Variants in RAPGEF4 observed in about 807,000 individuals in gnomAD.
RAPGEF4 encodes RAP guanine-nucleotide-exchange factor (GEF) 4.
A neutral mutation model predicts 147.9 loss-of-function variants in RAPGEF4; 66 were observed. That is an observed-to-expected ratio of 0.45 (90% CI 0.37 to 0.55). The LOEUF (loss-of-function observed/expected upper bound fraction) is 0.55. RAPGEF4 is among the 20% of genes least tolerant of loss of function. The pLI, the probability that RAPGEF4 is intolerant of heterozygous loss-of-function variation, is 0.00. For missense variants in RAPGEF4, 1,071 were observed against 1,257.3 expected (o/e 0.85, Z 2.24); for synonymous variants, 419 against 442.7 (o/e 0.95, Z 0.67).
intron 1 of RAPGEF4, among the ~76,000 whole-genome samples, chr2:172,740,496 T>C (rs1210848158): frequency 6.6e-6 from 1 of 152,212 alleles, no homozygotes; most frequent in African/African-American, 2.4e-5. Context: ...TGCCCCCAAA[T>C]AGATGTTATT....
In RAPGEF4 at chr2:172,746,658, G is replaced by T. The variant is rs181305729; in HGVS notation, c.65+10610G>T. Among the ~76,000 whole-genome samples, 537 of 151,832 alleles carry T rather than the reference G, an allele frequency of 3.5e-3. 4 individuals carry two copies. Among genetic ancestry groups the T allele is most frequent in the Non-Finnish European group, 6.2e-3 (420 of 67,920 alleles). The stretch of plus-strand genomic sequence containing the variant: ...GACAGAGTCTTACTCTGTCGCCCAG[G>T]CTGGAGTGCAGTGGCATGATCTCAG... On this transcript the variant is annotated intron_variant, in intron 1 of 30. Transcript: ENST00000397081.
chr2:172,820,987 A>G (rs1372769094), intron 4 of RAPGEF4, among the ~76,000 whole-genome samples: 1 of 152,220 alleles, frequency 6.6e-6, no homozygotes, highest in Non-Finnish European at 1.5e-5. Flanking sequence ...ACAGCAGCTT[A>G]GTCTTTGCTG....
chr2:172,944,591 A>G (rs1429379799), intron 6 of RAPGEF4, among the ~76,000 whole-genome samples: 1 of 152,142 alleles, frequency 6.6e-6, no homozygotes, highest in East Asian at 1.9e-4. Flanking sequence ...AGCAGATGGG[A>G]TTGAGATACT....
intron 6 of RAPGEF4, among the ~76,000 whole-genome samples, chr2:172,955,365 C>A (rs940073269): frequency 6.6e-6 from 1 of 152,108 alleles, no homozygotes; most frequent in African/African-American, 2.4e-5. Context: ...GTAATATGAA[C>A]ATAATACAAG....
intron 4 of RAPGEF4, among the ~76,000 whole-genome samples, chr2:172,853,360 T>C (rs1693069781): frequency 6.6e-6 from 1 of 152,066 alleles, no homozygotes. Flanking sequence ...TCAATTTTGG[T>C]AAATTGTATT....
chr2:172,813,052 A>C (rs963948469), intron 3 of RAPGEF4, among the ~76,000 whole-genome samples: 1 of 152,096 alleles, frequency 6.6e-6, no homozygotes, highest in Non-Finnish European at 1.5e-5. Context: ...TGAGATATTG[A>C]TTTTATTTTC....
chr2:173,019,939 C>T (rs528767738), intron 22 of RAPGEF4, among the ~76,000 whole-genome samples: 1 of 152,098 alleles, frequency 6.6e-6, no homozygotes, highest in Non-Finnish European at 1.5e-5. Flanking sequence ...TATTTCTTTT[C>T]TTTATTGTTG....
intron 6 of RAPGEF4, among the ~76,000 whole-genome samples, chr2:172,938,685 T>G (rs2105314600): frequency 6.6e-6 from 1 of 152,356 alleles, no homozygotes; most frequent in South Asian, 2.1e-4. Context: ...TCTAAATGAT[T>G]TTTAGAATTT....
At chr2:172,906,054 G>T (rs1699594368) in intron 4 of RAPGEF4, among the ~76,000 whole-genome samples, 1 of 152,042 alleles carries the variant, frequency 6.6e-6, no homozygotes, top group Non-Finnish European at 1.5e-5. Context: ...GAATTCTGTA[G>T]TACTCTGGGA....
chr2:172,842,466 T>C (rs1410367143), intron 4 of RAPGEF4, among the ~76,000 whole-genome samples: 1 of 152,156 alleles, frequency 6.6e-6, no homozygotes, highest in Non-Finnish European at 1.5e-5. Context: ...GCCATTTGGA[T>C]TGGGTTGGGG....
intron 1 of RAPGEF4, among the ~76,000 whole-genome samples, chr2:172,781,309 C>T (rs1319259235): frequency 1.3e-5 from 2 of 152,146 alleles, no homozygotes; most frequent in Admixed American, 6.5e-5. Context: ...CAGAAACAGA[C>T]ACTTCAGTCA....
At chr2:172,958,289 T>C (rs1688943974) in intron 6 of RAPGEF4, among the ~76,000 whole-genome samples, 1 of 152,246 alleles carries the variant, frequency 6.6e-6, no homozygotes, top group African/African-American at 2.4e-5. Flanking sequence ...CAGAGGTCTT[T>C]ACAATTTGAT....
At chr2:173,028,384 G>A (rs1466570339) in intron 25 of RAPGEF4, among the ~76,000 whole-genome samples, 22 of 152,124 alleles carry the variant, frequency 1.4e-4, no homozygotes, top group Admixed American at 1.3e-3. Flanking sequence ...GTGCTTTCCC[G>A]TTAGAAGAAG....
intron 4 of RAPGEF4, among the ~76,000 whole-genome samples, chr2:172,910,344 C>T (rs924099442): frequency 6.6e-6 from 1 of 152,230 alleles, no homozygotes; most frequent in African/African-American, 2.4e-5. Flanking sequence ...AACTCTACAG[C>T]TTCCCTGTTG....
chr2:172,753,985 C>T (rs1013879678), intron 1 of RAPGEF4, among the ~76,000 whole-genome samples: 5 of 152,108 alleles, frequency 3.3e-5, no homozygotes, highest in Non-Finnish European at 7.4e-5. Flanking sequence ...CTTTATCCTT[C>T]CCAGGAGGAA....
At chr2:172,952,595 T>A (rs758396234) in intron 6 of RAPGEF4, among the ~76,000 whole-genome samples, 16 of 152,176 alleles carry the variant, frequency 1.1e-4, no homozygotes, top group South Asian at 4.1e-4. Context: ...ATTGCCATTA[T>A]AAGAAAATCT....
At chr2:172,783,299 G>T (rs1473128660) in intron 1 of RAPGEF4, among the ~76,000 whole-genome samples, 1 of 152,194 alleles carries the variant, frequency 6.6e-6, no homozygotes, top group Non-Finnish European at 1.5e-5. Flanking sequence ...CAAAATTGTG[G>T]TCTGCAGTGA....
chr2:172,984,271 A>G (rs375412666), intron 11 of RAPGEF4, among the ~76,000 whole-genome samples: 1 of 152,150 alleles, frequency 6.6e-6, no homozygotes, highest in South Asian at 2.1e-4. Flanking sequence ...ACTTTCACAG[A>G]GTATATACTG....
At chr2:173,032,872 T>A (rs886545262) in intron 26 of RAPGEF4, among the ~76,000 whole-genome samples, 5 of 152,244 alleles carry the variant, frequency 3.3e-5, no homozygotes, top group Non-Finnish European at 7.3e-5. Context: ...TAGGCTTCAC[T>A]GTTCAAAGCC....
Sources: allele counts gnomAD v4.1 joint callset (sites outside exome capture counted in the v4.1 genomes callset), GRCh38; gene constraint gnomAD v4.1.1; transcripts MANE v1.5; gene names NCBI Gene and HGNC (gene_info 2026-07-23, HGNC 2026-07-21).